Variants in HOXB3 observed in about 807,000 individuals in gnomAD.
HOXB3 encodes homeobox B3.
A neutral mutation model predicts 29.2 loss-of-function variants in HOXB3; 17 were observed. The observed-to-expected ratio is 0.58, with a 90% CI of 0.40 to 0.87. The LOEUF is 0.87. Ranked by LOEUF, HOXB3 falls within the 40% of genes least tolerant of loss-of-function variation. The probability of loss-of-function intolerance (pLI) is 0.00; values close to 1 mark genes in which losing one functional copy is unlikely to be tolerated. For synonymous variants in HOXB3, 317 were observed against 285.9 expected (o/e 1.11, Z -1.10); for missense variants, 637 against 616.3 (o/e 1.03, Z -0.35).
At chr17:48,590,062 TC>T (rs1301801361) in intron 1 of HOXB3, 62 bp downstream of exon 1, 1 of 152,218 alleles carries the variant, frequency 6.6e-6, no homozygotes, top group Non-Finnish European at 1.5e-5. Context: ...AAACAAGTTT[TC>T]TTCCCCCAGT....
chr17:48,552,611 GGGTCT>G lies in HOXB3; in HGVS notation c.-142_-138del. The G allele has an allele frequency of 1.7e-6, 1 of 605,428 alleles. No individual in the cohort carries two copies. The highest frequency in any genetic ancestry group is 3.0e-5 in the East Asian group (1 of 32,970). 37.5% of individuals were successfully genotyped at this position (605,428 alleles called of 1,614,324 possible). A position where few individuals can be genotyped will look rare whatever the true frequency, so the allele number is the denominator to read the frequency against. On this transcript the variant is annotated 5_prime_UTR_variant, in exon 4 of 5. It introduces an in-frame stop codon into an upstream open reading frame of the 5' UTR. Coordinates refer to ENST00000498678, the MANE Select transcript of HOXB3 (RefSeq NM_001384749.1). ...CTCCCCTCTCTGCCCCCCTCCTCCG[GGGTCT>G]GTTCCAAGCGGCTGACCTGCGAGGC... is the stretch of plus-strand genomic sequence containing the variant.
At chr17:48,582,627 T>C (rs1433387581) in intron 1 of HOXB3, 1 of 152,196 alleles carries the variant, frequency 6.6e-6, no homozygotes, top group Admixed American at 6.5e-5. Flanking sequence ...TACTATAATA[T>C]GCTCGCGCAG....
chr17:48,549,385 T>G lies in HOXB3; in HGVS notation c.*949A>C, dbSNP rs2068628689. 1 of 152,644 alleles carries G rather than the reference T, an allele frequency of 6.6e-6. No homozygotes were observed. The highest frequency in any genetic ancestry group is 1.5e-5 in the Non-Finnish European group (1 of 68,036). The allele number at this position is 152,644 out of a possible 1,614,324, so 9.5% of individuals were successfully genotyped here. ...CATCCATTAAAATGTAAATTCTAAG[T>G]GCAACAAAAGTGTCCTGTCAGGAGG... On this transcript the variant is annotated 3_prime_UTR_variant, in exon 5 of 5. Transcript: ENST00000498678.
chr17:48,558,114 G>A (rs1278806364), intron 2 of HOXB3, among the ~76,000 whole-genome samples: 1 of 152,194 alleles, frequency 6.6e-6, no homozygotes, highest in Non-Finnish European at 1.5e-5. Context: ...TTGGGTTAGA[G>A]AAGGTCATTG....
At chr17:48,562,816 G>A (rs933510351) in intron 2 of HOXB3, among the ~76,000 whole-genome samples, 2 of 152,178 alleles carry the variant, frequency 1.3e-5, no homozygotes, top group African/African-American at 4.8e-5. Context: ...AGGCAAAGCT[G>A]GGTGTCTGGA....
rs768012946 is a variant in HOXB3 at position 48,551,094 on chromosome 17, T to C, written c.536A>G (p.Asp179Gly). The C allele has an allele frequency of 3.8e-5, 54 of 1,422,874 alleles. No homozygotes were observed. The highest frequency in any genetic ancestry group is 4.5e-5 in the Non-Finnish European group (49 of 1,084,924). The allele number at this position is 1,422,874 out of a possible 1,614,324, so 88.1% of individuals were successfully genotyped here. ...CGCCGCCGACCCCGGGGGGCTCTTG[T>C]CCCCTCCCCCGCCGCCGCCGCCACC... ...GGGGGGGGGG[D>G]KSPPGSAASK... Residue 179 changes from aspartate to glycine, a missense_variant, in exon 5 of 5, where the codon GAC (aspartate) becomes GGC (glycine). Physicochemically the swap from Asp to Gly is moderately conservative, Grantham distance 94 (BLOSUM62 -1). Transcript: ENST00000498678.
chr17:48,556,920 TTCTC>T (rs1193351142), intron 2 of HOXB3: 2 of 152,210 alleles, frequency 1.3e-5, no homozygotes, highest in Non-Finnish European at 2.9e-5. Context: ...CCCTGTTTGT[TTCTC>T]TCTGCCCTGC....
chr17:48,563,590 GCGTCA>G (rs1172648392), intron 2 of HOXB3, among the ~76,000 whole-genome samples: 1 of 152,142 alleles, frequency 6.6e-6, no homozygotes, highest in Admixed American at 6.5e-5. Flanking sequence ...AAATCCCAGT[GCGTCA>G]GGCTGGCATC....
intron 1 of HOXB3, among the ~76,000 whole-genome samples, chr17:48,585,742 G>T (rs1183739022): frequency 6.6e-6 from 1 of 152,184 alleles, no homozygotes; most frequent in Non-Finnish European, 1.5e-5. Context: ...TTAGAGAGAT[G>T]CATGCACCTA....
chr17:48,554,565 C>G lies in HOXB3; in HGVS notation c.-159+966G>C, dbSNP rs1182762262. On this transcript the variant is annotated intron_variant, in intron 3 of 4. Coordinates refer to ENST00000498678, the MANE Select transcript of HOXB3 (RefSeq NM_001384749.1). The surrounding 1 kb of genome is among the most constrained non-coding windows in gnomAD (Gnocchi z 4.1). ...TGTGCACCCGGGTAGTCCCTGGCTG[C>G]TGCTGCCAGGCTGCCTCAGCCGGTC... 9 of 696,220 alleles carry G rather than the reference C, an allele frequency of 1.3e-5. No homozygotes were observed. Among genetic ancestry groups the G allele is most frequent in the Non-Finnish European group, 2.4e-5 (9 of 381,938 alleles). The allele number at this position is 696,220 out of a possible 1,614,324, so 43.1% of individuals were successfully genotyped here.
Position 48,550,296 on chromosome 17 carries a change from T to C in HOXB3, c.*38A>G. 1 of 1,612,622 alleles carries C rather than the reference T, an allele frequency of 6.2e-7. No homozygotes were observed. The highest frequency in any genetic ancestry group is 8.5e-7 in the Non-Finnish European group (1 of 1,179,782). ...CCCCCAGAGCTCCACAGTCTCTCTC[T>C]TCCTCCCCATCCCCTAATCCTCGTT... On this transcript the variant is annotated 3_prime_UTR_variant, in exon 5 of 5. Transcript: ENST00000498678.
chr17:48,556,155 T>C (rs939579879), intron 2 of HOXB3, among the ~76,000 whole-genome samples: 3 of 151,174 alleles, frequency 2.0e-5, no homozygotes, highest in Non-Finnish European at 3.0e-5. Context: ...TTTTTTTTTT[T>C]CCTTAAAGAA....
At chr17:48,567,005 A>T (rs1398093628) in intron 2 of HOXB3, among the ~76,000 whole-genome samples, 1 of 152,086 alleles carries the variant, frequency 6.6e-6, no homozygotes, top group Non-Finnish European at 1.5e-5. Context: ...ACCTCCTCAC[A>T]ATCTCCAGTG....
intron 2 of HOXB3, chr17:48,559,829 C>A (rs989781319): frequency 6.6e-6 from 1 of 152,244 alleles, no homozygotes; most frequent in African/African-American, 2.4e-5. Flanking sequence ...CCCCACCCCA[C>A]GTGTGGGGGC....
chr17:48,577,980 T>G, intron 1 of HOXB3: 2 of 1,302,072 alleles, frequency 1.5e-6, no homozygotes, highest in Middle Eastern at 4.4e-4. Flanking sequence ...GGGCTGCTGC[T>G]GACCGCCTCG....
chr17:48,553,268 C>T (rs987718001), intron 3 of HOXB3: 1 of 152,312 alleles, frequency 6.6e-6, no homozygotes, highest in Non-Finnish European at 1.5e-5. Context: ...CCAGCTGAAC[C>T]GAGACTCATC....
chr17:48,562,731 G>C, intron 2 of HOXB3, among the ~76,000 whole-genome samples: 1 of 152,186 alleles, frequency 6.6e-6, no homozygotes, highest in East Asian at 1.9e-4. Flanking sequence ...AGTGTCTGGT[G>C]GAAAAATGCA....
chr17:48,577,128 C>T (rs577487512), intron 1 of HOXB3: 5 of 1,128,542 alleles, frequency 4.4e-6, no homozygotes, highest in Non-Finnish European at 4.9e-6. Flanking sequence ...CTCCCGCCAC[C>T]TCTTCTTCCT....
chr17:48,578,561 C>A (rs1597854172), intron 1 of HOXB3: 1 of 469,318 alleles, frequency 2.1e-6, no homozygotes, highest in Non-Finnish European at 3.7e-6. Flanking sequence ...ACCCACCCAC[C>A]CAACACCAGG....
Sources: allele counts gnomAD v4.1 joint callset (sites outside exome capture counted in the v4.1 genomes callset), GRCh38; gene constraint gnomAD v4.1.1; non-coding constraint Gnocchi (gnomAD v3.1); transcripts MANE v1.5; gene names NCBI Gene and HGNC (gene_info 2026-07-23, HGNC 2026-07-21).